TUG1: variants seen among roughly 807,000 people sequenced by gnomAD.
The protein encoded by TUG1 is taurine up-regulated 1.
At position 30,970,344 on chromosome 22, in the gene TUG1, G is replaced by T. The variant is rs148879293; in HGVS notation, c.*526G>T. On this transcript the variant is annotated 3_prime_UTR_variant, in exon 1 of 3. Transcript: ENST00000644773. The stretch of plus-strand genomic sequence containing the variant: ...TGGGACCCTTCACAACCATTTTGAA[G>T]CCCTGTTTGAGTCCCTGGGATATGT... 733 of 152,346 alleles carry T rather than the reference G, an allele frequency of 4.8e-3. 1 individual carries two copies. Among genetic ancestry groups the T allele is most frequent in the Middle Eastern group, 0.017 (5 of 294 alleles). 9.4% of individuals were successfully genotyped at this position (152,346 alleles called of 1,614,324 possible).
At chr22:30,970,537 A>G (rs2041217284) in exon 1 of TUG1, 1 of 152,182 alleles carries the variant, frequency 6.6e-6, no homozygotes, top group Non-Finnish European at 1.5e-5. Context: ...TGTGTTCTGT[A>G]GCATCCTATT....
At chr22:30,978,080 A>G (rs910833536) in exon 3 of TUG1, 5 of 152,166 alleles carry the variant, frequency 3.3e-5, no homozygotes, top group African/African-American at 1.2e-4. Flanking sequence ...TCAACCTAGC[A>G]AAAGAAGAAA....
rs559653456 is a variant in TUG1, at chr22:30,976,441, AAAAC to A, written c.*3970_*3973del. 6 of 152,208 alleles carry A rather than the reference AAAAC, an allele frequency of 3.9e-5. No homozygotes were observed. In the South Asian group the frequency reaches 6.2e-4, roughly 16 times the overall value. 9.4% of individuals were successfully genotyped at this position (152,208 alleles called of 1,614,324 possible). A position where few individuals can be genotyped will look rare whatever the true frequency, so the allele number is the denominator to read the frequency against. On this transcript the variant is annotated 3_prime_UTR_variant, in exon 3 of 3. Transcript: ENST00000644773. ...TTTTGCTGGAAACAAACTGATTTGA[AAAAC>A]AAAATCTATGAAGACTGCAGCTAAG...
exon 3 of TUG1, chr22:30,976,817 G>A (rs950163104): frequency 1.3e-5 from 2 of 152,158 alleles, no homozygotes; most frequent in African/African-American, 4.8e-5. Context: ...TTATATCCTT[G>A]TCTCTCTCTA....
chr22:30,975,384 TCTTC>T, exon 3 of TUG1: 1 of 152,362 alleles, frequency 6.6e-6, no homozygotes, highest in Non-Finnish European at 1.5e-5. Context: ...CACCTTGAAC[TCTTC>T]CGAACACAGT....
chr22:30,969,368 TC>T lies in TUG1; in HGVS notation c.19del (p.Leu7SerfsTer5), dbSNP rs2147346456. 6.6e-6 allele frequency: 1 copy of T among 151,056 alleles called. No individual in the cohort carries two copies. Among genetic ancestry groups the T allele is most frequent in the Admixed American group, 6.6e-5 (1 of 15,222 alleles). 9.4% of individuals were successfully genotyped at this position (151,056 alleles called of 1,614,324 possible). A position where few individuals can be genotyped will look rare whatever the true frequency, so the allele number is the denominator to read the frequency against. On this transcript the variant is annotated frameshift_variant, in exon 1 of 3. Transcript: ENST00000644773. LOFTEE classifies it high-confidence loss of function. ...AAATCGAAGAAGCCCTGGCGCGCCC[TC>T]CCCCCCTCCCGGGTCTGGTAGGGCG...
At chr22:30,971,336 G>A (rs1480699521) in exon 1 of TUG1, 2 of 152,246 alleles carry the variant, frequency 1.3e-5, no homozygotes, top group Non-Finnish European at 2.9e-5. Flanking sequence ...ATTAAATCCG[G>A]ATGTACCTCA....
chr22:30,973,427 T>C (rs999614493), exon 2 of TUG1: 1 of 152,174 alleles, frequency 6.6e-6, no homozygotes, highest in Non-Finnish European at 1.5e-5. Context: ...TGGGATCAAA[T>C]CAAAGGCACA....
exon 3 of TUG1, chr22:30,976,038 C>T (rs2041284689): frequency 1.3e-5 from 2 of 148,532 alleles, no homozygotes; most frequent in African/African-American, 5.0e-5. Context: ...ACTACTGTTT[C>T]CAAGATAAAT....
exon 3 of TUG1, chr22:30,979,255 C>T (rs1238225952): frequency 1.3e-5 from 2 of 152,118 alleles, no homozygotes; most frequent in African/African-American, 2.4e-5. Context: ...TTTATAAATG[C>T]ATAGAAAGGT....
intron 2 of TUG1, chr22:30,974,945 C>G (rs12484601): frequency 6.6e-6 from 1 of 152,142 alleles, no homozygotes; most frequent in Non-Finnish European, 1.5e-5. Context: ...ATTTTGCATC[C>G]TTAGGCAAAA....
chr22:30,972,352 C>G (rs758741232), intron 1 of TUG1: 5 of 150,990 alleles, frequency 3.3e-5, no homozygotes, highest in African/African-American at 4.8e-5. Flanking sequence ...TACAGAAGGA[C>G]CAAGACCTTA....
exon 2 of TUG1, chr22:30,973,109 C>T (rs1172247874): frequency 6.5e-6 from 1 of 152,686 alleles, no homozygotes; most frequent in Non-Finnish European, 1.5e-5. Context: ...AAGTCAGAGT[C>T]CTCAAGCCAA....
chr22:30,977,731 A>G (rs942447677), exon 3 of TUG1: 2 of 152,134 alleles, frequency 1.3e-5, no homozygotes, highest in Non-Finnish European at 2.9e-5. Flanking sequence ...ATGTTGCTGC[A>G]ATTAGACTCA....
exon 3 of TUG1, chr22:30,977,993 G>A (rs894475907): frequency 2.0e-5 from 3 of 152,152 alleles, no homozygotes; most frequent in East Asian, 3.8e-4. Flanking sequence ...ACAGCAGTTC[G>A]AAAGCCGCGT....
At chr22:30,971,971 A>G (rs1253888155) in intron 1 of TUG1, 192 bp downstream of exon 1, 8 of 152,198 alleles carry the variant, frequency 5.3e-5, no homozygotes, top group Non-Finnish European at 8.8e-5. Flanking sequence ...AAGTTTTATG[A>G]CATTTCGTTA....
At chr22:30,971,271 C>T (rs754948634) in exon 1 of TUG1, 1 of 152,214 alleles carries the variant, frequency 6.6e-6, no homozygotes, top group South Asian at 2.1e-4. Context: ...GATAATCTCA[C>T]TTCCAGAGAA....
exon 3 of TUG1, chr22:30,976,217 C>G (rs187455831): frequency 5.3e-5 from 8 of 152,180 alleles, no homozygotes; most frequent in African/African-American, 1.9e-4. Flanking sequence ...TAAAATGAAA[C>G]CATTTGGAAA....
chr22:30,972,379 A>T (rs2041240708), intron 1 of TUG1: 1 of 152,220 alleles, frequency 6.6e-6, no homozygotes, highest in African/African-American at 2.4e-5. Flanking sequence ...CCTACTTAAG[A>T]TGGAATCTTG....
Sources: allele counts gnomAD v4.1 joint callset, GRCh38; gene constraint gnomAD v4.1.1; transcripts MANE v1.5; gene names NCBI Gene and HGNC (gene_info 2026-07-23, HGNC 2026-07-21).